Variants in SEPTIN14 observed in about 807,000 individuals in gnomAD.
The protein encoded by SEPTIN14 is septin-14.
In SEPTIN14, 40 loss-of-function variants were observed where a neutral mutation model predicts 53.6. That is an observed-to-expected ratio of 0.75 (90% CI 0.58 to 0.97). The LOEUF (loss-of-function observed/expected upper bound fraction) is 0.97, where lower values mean the gene tolerates loss of function less well. Among genes scored for constraint, SEPTIN14 ranks in the 50% least tolerant of loss-of-function variants. The pLI, the probability that SEPTIN14 is intolerant of heterozygous loss-of-function variation, is 0.00. For missense variants in SEPTIN14, 471 were observed against 508.2 expected (o/e 0.93, Z 0.70); for synonymous variants, 138 against 166.8 (o/e 0.83, Z 1.33).
intron 6 of SEPTIN14, among the ~76,000 whole-genome samples, chr7:55,822,954 T>A (rs1788923194): frequency 6.6e-6 from 1 of 151,974 alleles, no homozygotes; most frequent in Admixed American, 6.6e-5. Context: ...ACAATCTTCC[T>A]GTGCCTAGCT....
At chr7:55,830,109 C>T (rs1217588970) in intron 6 of SEPTIN14, among the ~76,000 whole-genome samples, 5 of 146,758 alleles carry the variant, frequency 3.4e-5, no homozygotes, top group East Asian at 2.1e-4. Flanking sequence ...ACCCGGGAGG[C>T]GGAGCTTGCA....
Position 55,795,550 on chromosome 7 carries a change from C to T in SEPTIN14, c.*363G>A, listed in dbSNP as rs1285557295. 6 of 244,770 alleles carry T rather than the reference C, an allele frequency of 2.5e-5. No homozygotes were observed. Among genetic ancestry groups the T allele is most frequent in the South Asian group, 4.7e-5 (1 of 21,354 alleles). The allele number at this position is 244,770 out of a possible 1,614,324, so 15.2% of individuals were successfully genotyped here. On this transcript the variant is annotated 3_prime_UTR_variant, in exon 10 of 10. Transcript: ENST00000388975. ...TGGTGAGATCTTGGCTCACTGCAAC[C>T]TCCACCTCCGGGGTTCAAGTGATTC...
rs1328255324 is a variant in SEPTIN14 at position 55,803,966 on chromosome 7, TAC to T, written c.1119+1290_1119+1291del. 9.1e-5 allele frequency among the ~76,000 whole-genome samples: 8 copies of T among 87,776 alleles called. No homozygotes were observed. In the East Asian group the frequency reaches 2.5e-3, roughly 27 times the overall value. 57.6% of individuals were successfully genotyped at this position (87,776 alleles called of 152,430 possible). On this transcript the variant is annotated intron_variant, in intron 9 of 9. Coordinates refer to ENST00000388975, the MANE Select transcript of SEPTIN14 (RefSeq NM_207366.3). ...GGTGAAACCCCATCTCTACTAAAAATACAAAAAAAAAAAAAAAAATTTAGTTG... is the reference window on the plus strand; with the variant it reads ...GGTGAAACCCCATCTCTACTAAAAATAAAAAAAAAAAAAAAAATTTAGTTG...
Position 55,862,027 on chromosome 7 carries a change from A to C in SEPTIN14, c.-15-16T>G, listed in dbSNP as rs759699969. The C allele has an allele frequency of 1.1e-5, 17 of 1,498,176 alleles. No individual in the cohort carries two copies. In the East Asian group the frequency reaches 4.1e-4, roughly 36 times the overall value. 92.8% of individuals were successfully genotyped at this position (1,498,176 alleles called of 1,614,324 possible). ...ACTAAAAGAGCTGGAAATTTAAAAA[A>C]ATAAACATTTTTAAAAATTTCTTAC... On this transcript the variant is annotated splice_polypyrimidine_tract_variant and intron_variant, in intron 1 of 9. Coordinates refer to ENST00000388975, the MANE Select transcript of SEPTIN14 (RefSeq NM_207366.3).
intron 6 of SEPTIN14, among the ~76,000 whole-genome samples, chr7:55,821,299 C>A (rs879438519): frequency 6.6e-6 from 1 of 152,192 alleles, no homozygotes; most frequent in Non-Finnish European, 1.5e-5. Flanking sequence ...GAACCTCAGA[C>A]TGGTGCTCCT....
intron 2 of SEPTIN14, among the ~76,000 whole-genome samples, chr7:55,854,933 G>A (rs539981945): frequency 7.3e-5 from 11 of 151,672 alleles, no homozygotes; most frequent in South Asian, 4.2e-4. Flanking sequence ...TCTGCTCAGA[G>A]ATGTGGAGAG....
chr7:55,860,179 C>CAA (rs36100326), intron 2 of SEPTIN14, among the ~76,000 whole-genome samples: 81 of 115,594 alleles, frequency 7.0e-4, no homozygotes, highest in Admixed American at 2.5e-3. Context: ...AACTCCATCT[C>CAA]AAAAAAAAAA....
chr7:55,843,121 G>C lies in SEPTIN14; in HGVS notation c.379C>G (p.Pro127Ala). Residue 127 changes from proline to alanine, a missense_variant, in exon 5 of 10, where the codon CCA (proline) becomes GCA (alanine). Pro to Ala is a conservative substitution (Grantham distance 27). Transcript: ENST00000388975. ...DQIDKEASYQPIVDYIDAQFE... is the reference protein window; with the variant it reads ...DQIDKEASYQAIVDYIDAQFE... ...TGGGCATCTATGTAGTCAACTATTG[G>C]TTGGTAGCTAAAAAAAAATTTATAC... The C allele has an allele frequency of 1.3e-6, 2 of 1,565,982 alleles. No individual in the cohort carries two copies. Among genetic ancestry groups the C allele is most frequent in the Non-Finnish European group, 8.6e-7 (1 of 1,163,134 alleles).
chr7:55,837,834 C>T (rs1275648242), intron 5 of SEPTIN14, among the ~76,000 whole-genome samples: 1 of 152,178 alleles, frequency 6.6e-6, no homozygotes, highest in African/African-American at 2.4e-5. Flanking sequence ...CTACCTGTCT[C>T]GGCCTCCCAG....
rs375470375 is a variant in SEPTIN14 at position 55,801,337 on chromosome 7, C to T, written c.1119+3921G>A. 3.3e-5 allele frequency among the ~76,000 whole-genome samples: 5 copies of T among 151,914 alleles called. No homozygotes were observed. The East Asian group carries it at 7.7e-4, about 23-fold the overall frequency. ...GAGAGAAAACTCAAACAAATAAAAT[C>T]AGAAATGAAAGGTGACACATAACCA... On this transcript the variant is annotated intron_variant, in intron 9 of 9. Coordinates refer to ENST00000388975, the MANE Select transcript of SEPTIN14 (RefSeq NM_207366.3).
chr7:55,844,669 A>G lies in SEPTIN14; in HGVS notation c.225T>C (p.Thr75=), dbSNP rs767304222. 2.5e-6 allele frequency: 4 copies of G among 1,610,072 alleles called. No homozygotes were observed. The East Asian group carries it at 8.9e-5, about 36-fold the overall frequency. The change falls in exon 4 of 10, where the codon ACT becomes ACC. Residue 75 remains threonine, a synonymous_variant. Coordinates refer to ENST00000388975, the MANE Select transcript of SEPTIN14 (RefSeq NM_207366.3). The stretch of plus-strand genomic sequence containing the variant: ...GTGAGGATTTGTTATCTTTCAAGTT[A>G]GTATTAAACAATGTGTCTATCAGTG... ...KSTLIDTLFN[T]NLKDNKSSHF...
Position 55,794,916 on chromosome 7 carries a change from G to A in SEPTIN14, c.*997C>T, listed in dbSNP as rs1324808126. 6.6e-6 allele frequency: 1 copy of A among 152,222 alleles called. No homozygotes were observed. Among genetic ancestry groups the A allele is most frequent in the Non-Finnish European group, 1.5e-5 (1 of 68,086 alleles). 9.4% of individuals were successfully genotyped at this position (152,222 alleles called of 1,614,324 possible). ...TCCGCCCACCTCGGCCTCCCAAAGT[G>A]CTGGGATTACAGGTGTGAGCCACCA... On this transcript the variant is annotated 3_prime_UTR_variant, in exon 10 of 10. Transcript: ENST00000388975.
At chr7:55,817,322 G>T (rs891843798) in intron 7 of SEPTIN14, among the ~76,000 whole-genome samples, 5 of 152,090 alleles carry the variant, frequency 3.3e-5, no homozygotes, top group Admixed American at 2.0e-4. Context: ...TAGAAACAGA[G>T]AGTAGAATGG....
intron 7 of SEPTIN14, among the ~76,000 whole-genome samples, chr7:55,817,503 C>A (rs1788815102): frequency 6.7e-6 from 1 of 150,322 alleles, no homozygotes; most frequent in African/African-American, 2.4e-5. Context: ...AGGAGTCTCG[C>A]TCTGTTGCCC....
chr7:55,830,056 T>C (rs1190072221), intron 6 of SEPTIN14, among the ~76,000 whole-genome samples: 4 of 148,474 alleles, frequency 2.7e-5, no homozygotes, highest in South Asian at 2.1e-4. Context: ...CGGGCGCCTA[T>C]AGTCCCAGCT....
intron 6 of SEPTIN14, among the ~76,000 whole-genome samples, chr7:55,831,710 C>T (rs1789110953): frequency 6.6e-6 from 1 of 152,108 alleles, no homozygotes; most frequent in Non-Finnish European, 1.5e-5. Context: ...TATTTGCAAA[C>T]TTTGCATCTG....
chr7:55,812,275 T>C (rs538482574), intron 7 of SEPTIN14, among the ~76,000 whole-genome samples: 23 of 152,304 alleles, frequency 1.5e-4, no homozygotes, highest in African/African-American at 5.1e-4. Flanking sequence ...AATCCTGTCA[T>C]GTGTAAAACC....
At chr7:55,849,287 T>C (rs999792246) in intron 2 of SEPTIN14, among the ~76,000 whole-genome samples, 1 of 151,536 alleles carries the variant, frequency 6.6e-6, no homozygotes, top group Non-Finnish European at 1.5e-5. Context: ...ATCGGACCAC[T>C]GCATTCCAGC....
At chr7:55,799,518 CAAAAAAAAA>C (rs59445168) in intron 9 of SEPTIN14, among the ~76,000 whole-genome samples, 4 of 62,892 alleles carry the variant, frequency 6.4e-5, no homozygotes, top group East Asian at 3.4e-4. Flanking sequence ...ACTCTTGTCT[CAAAAAAAAA>C]AAAAAAAAAA....
Sources: allele counts gnomAD v4.1 joint callset (sites outside exome capture counted in the v4.1 genomes callset), GRCh38; gene constraint gnomAD v4.1.1; transcripts MANE v1.5; gene names NCBI Gene and HGNC (gene_info 2026-07-23, HGNC 2026-07-21).